Variants in KAZN observed in about 807,000 individuals in gnomAD.
KAZN encodes kazrin.
KAZN carries 40 observed loss-of-function variants against 87.4 expected under a neutral mutation model. That is an observed-to-expected ratio of 0.46 (90% CI 0.36 to 0.60). KAZN has a LOEUF of 0.60. Ranked by LOEUF, KAZN falls within the 20% of genes least tolerant of loss-of-function variation. The pLI is 0.00. For missense variants in KAZN, 898 were observed against 1,073.9 expected (o/e 0.84, Z 2.29); for synonymous variants, 466 against 458.3 (o/e 1.02, Z -0.22).
In KAZN at chr1:14,184,808, C is replaced by A. The variant is rs1020235485; in HGVS notation, c.249+4216C>A. Among the ~76,000 whole-genome samples the A allele has an allele frequency of 6.6e-6, 1 of 152,124 alleles. No individual in the cohort carries two copies. Among genetic ancestry groups the A allele is most frequent in the African/African-American group, 2.4e-5 (1 of 41,426 alleles). On this transcript the variant is annotated intron_variant, in intron 2 of 16. Coordinates refer to the KAZN transcript ENST00000636203. This position sits in a 1 kb window ranked among gnomAD's most constrained non-coding sequence, Gnocchi z 4.2. Reference sequence around the variant, plus strand: ...TCCTGGCAGATAGGGAGGGTTAGCGCCCCAAAGTCAACATCATCTTGCATT... The same window carrying A: ...TCCTGGCAGATAGGGAGGGTTAGCGACCCAAAGTCAACATCATCTTGCATT...
intron 1 of KAZN, among the ~76,000 whole-genome samples, chr1:14,883,347 A>AGGGAGGGAGGGAGGG (rs1557586240): frequency 3.0e-5 from 1 of 33,136 alleles, no homozygotes; most frequent in Non-Finnish European, 6.4e-5. Flanking sequence ...AGAGAGAAAG[A>AGGGAGGGAGGGAGGG]AAGAAAGAAA....
At chr1:14,399,803 C>G (rs929567560) in intron 2 of KAZN, among the ~76,000 whole-genome samples, 2 of 149,690 alleles carry the variant, frequency 1.3e-5, no homozygotes, top group Admixed American at 1.4e-4. Flanking sequence ...CCCCGAGGCT[C>G]TACTCATCAA....
intron 1 of KAZN, among the ~76,000 whole-genome samples, chr1:14,774,379 C>G (rs1231277401): frequency 6.6e-6 from 1 of 152,010 alleles, no homozygotes; most frequent in Non-Finnish European, 1.5e-5. Flanking sequence ...ACTCAGCAAA[C>G]AAATGGTTCT....
intron 1 of KAZN, among the ~76,000 whole-genome samples, chr1:14,625,198 G>A (rs1314535268): frequency 6.6e-6 from 1 of 152,050 alleles, no homozygotes; most frequent in African/African-American, 2.4e-5. Context: ...TTCCTTGAGC[G>A]AGTTTTCTGC....
intron 2 of KAZN, among the ~76,000 whole-genome samples, chr1:14,591,337 C>T (rs1335210134): frequency 6.6e-6 from 1 of 151,878 alleles, no homozygotes; most frequent in Non-Finnish European, 1.5e-5. Context: ...TTTTCCCTGT[C>T]ACTTACAGAG....
rs543360382 is a variant in KAZN at position 14,717,034 on chromosome 1, C to G, written c.226+117811C>G. Among the ~76,000 whole-genome samples, 399 of 151,182 alleles carry G rather than the reference C, an allele frequency of 2.6e-3. 2 individuals are homozygous for G. The highest frequency in any genetic ancestry group is 9.2e-3 in the African/African-American group (378 of 41,252). On this transcript the variant is annotated intron_variant, in intron 1 of 14. Transcript: ENST00000376030. ...CTTCAAGGCCCAGCTGGGAGGCTCC[C>G]TTGCCCATGGAGGGAGAGGTAACAT...
chr1:14,040,452 C>T (rs1641776217), intron 1 of KAZN, among the ~76,000 whole-genome samples: 1 of 152,144 alleles, frequency 6.6e-6, no homozygotes, highest in African/African-American at 2.4e-5. Flanking sequence ...GAGCAACTTT[C>T]CTAAGGGTCT....
Position 14,886,225 on chromosome 1 carries a change from C to T in KAZN, c.227-74459C>T, listed in dbSNP as rs571928755. Among the ~76,000 whole-genome samples, 35 of 151,850 alleles carry T rather than the reference C, an allele frequency of 2.3e-4. 1 individual carries two copies. The highest frequency in any genetic ancestry group is 1.9e-3 in the Admixed American group (29 of 15,220). On this transcript the variant is annotated intron_variant, in intron 1 of 14. Transcript: ENST00000376030. Reference sequence around the variant, plus strand: ...CCACTTGAGGCCAGGAGTTCGGGACCGGCCTGGGCAACACAGCCATACCAC... The same window carrying T: ...CCACTTGAGGCCAGGAGTTCGGGACTGGCCTGGGCAACACAGCCATACCAC...
chr1:14,148,203 C>CAAAACAA (rs1216168108), intron 1 of KAZN, among the ~76,000 whole-genome samples: 1 of 152,066 alleles, frequency 6.6e-6, no homozygotes, highest in South Asian at 2.1e-4. Flanking sequence ...TGTCTCAAAA[C>CAAAACAA]AAAACAAAAC....
chr1:14,720,387 A>G (rs938998982), intron 1 of KAZN, among the ~76,000 whole-genome samples: 1 of 152,160 alleles, frequency 6.6e-6, no homozygotes, highest in Admixed American at 6.5e-5. Flanking sequence ...TTGGTTGTCA[A>G]ATGCCACCGT....
intron 1 of KAZN, among the ~76,000 whole-genome samples, chr1:14,119,920 C>T (rs922516286): frequency 2.1e-4 from 9 of 42,856 alleles, no homozygotes; most frequent in East Asian, 3.3e-3. Flanking sequence ...TTTATGTGTA[C>T]GATCTATTTG....
At chr1:14,399,490 A>C (rs1450923185) in intron 2 of KAZN, among the ~76,000 whole-genome samples, 1 of 149,012 alleles carries the variant, frequency 6.7e-6, no homozygotes, top group Non-Finnish European at 1.5e-5. Flanking sequence ...TTAAGGGCAA[A>C]AAAGACATCT....
chr1:13,973,916 G>A lies in KAZN; in HGVS notation c.91+80160G>A, dbSNP rs72873331. On this transcript the variant is annotated intron_variant, in intron 1 of 16. Transcript: ENST00000636203. ...CCCCACGACCACCCACAGGTCTGTT[G>A]GTTCACCAGGAGGATTCCTAAGACT... Among the ~76,000 whole-genome samples the A allele has an allele frequency of 7.4e-3, 1,126 of 152,308 alleles. 13 individuals carry two copies. Among genetic ancestry groups the A allele is most frequent in the African/African-American group, 0.025 (1,058 of 41,560 alleles).
At chr1:14,099,926 C>A (rs748990390) in intron 1 of KAZN, among the ~76,000 whole-genome samples, 46 of 152,248 alleles carry the variant, frequency 3.0e-4, no homozygotes, top group Admixed American at 1.5e-3. Context: ...CCCTTCTTAC[C>A]TTTCTCCTTC....
intron 2 of KAZN, among the ~76,000 whole-genome samples, chr1:14,437,393 T>C (rs980272739): frequency 6.6e-6 from 1 of 152,218 alleles, no homozygotes; most frequent in Non-Finnish European, 1.5e-5. Context: ...AAGTCCTCGC[T>C]GAGGCTGGTG....
chr1:14,466,968 C>CA (rs1200336536), intron 2 of KAZN, among the ~76,000 whole-genome samples: 43 of 150,508 alleles, frequency 2.9e-4, no homozygotes, highest in South Asian at 4.2e-4. Flanking sequence ...GACTCTGTCT[C>CA]AAAAAAAAAT....
At chr1:14,976,847 G>A (rs1467279184) in intron 2 of KAZN, among the ~76,000 whole-genome samples, 1 of 152,170 alleles carries the variant, frequency 6.6e-6, no homozygotes, top group East Asian at 1.9e-4. Context: ...AGGTCAAGGA[G>A]TTCGAGACCA....
chr1:14,804,552 G>A (rs1015209444), intron 1 of KAZN, among the ~76,000 whole-genome samples: 1 of 152,224 alleles, frequency 6.6e-6, no homozygotes, highest in African/African-American at 2.4e-5. Flanking sequence ...TACCGGAATA[G>A]GGAGATGGAG....
At chr1:14,406,762 GAAT>G (rs1387309664) in intron 2 of KAZN, among the ~76,000 whole-genome samples, 2 of 152,142 alleles carry the variant, frequency 1.3e-5, no homozygotes, top group East Asian at 1.9e-4. Context: ...GAAACAGCCA[GAAT>G]AATATTTGAG....
Sources: gnomAD v4.1 joint callset for allele counts (sites outside exome capture counted in the v4.1 genomes callset) on GRCh38, gnomAD v4.1.1 for gene constraint, Gnocchi (gnomAD v3.1) non-coding constraint, MANE v1.5 for transcripts, NCBI Gene and HGNC (gene_info 2026-07-23, HGNC 2026-07-21) for gene names.